Variants in CSNK1G3 observed in about 807,000 individuals in gnomAD.
CSNK1G3 encodes casein kinase 1 gamma 3, also known as casein kinase I isoform gamma-3.
A neutral mutation model predicts 64.3 loss-of-function variants in CSNK1G3; 23 were observed. That is an observed-to-expected ratio of 0.36 (90% CI 0.26 to 0.51). The LOEUF is 0.51. Ranked by LOEUF, CSNK1G3 falls within the 20% of genes least tolerant of loss-of-function variation. The pLI, the probability that CSNK1G3 is intolerant of heterozygous loss-of-function variation, is 0.96. For synonymous variants in CSNK1G3, 158 were observed against 162.2 expected (o/e 0.97, Z 0.20); for missense variants, 357 against 510.5 (o/e 0.70, Z 2.90).
intron 12 of CSNK1G3, among the ~76,000 whole-genome samples, chr5:123,610,129 C>T (rs1796062535): frequency 6.6e-6 from 1 of 152,122 alleles, no homozygotes; most frequent in Non-Finnish European, 1.5e-5. Flanking sequence ...GATGGGCCTG[C>T]AGGCTTTTGG....
At chr5:123,606,742 T>A (rs2151183656) in intron 12 of CSNK1G3, among the ~76,000 whole-genome samples, 1 of 152,304 alleles carries the variant, frequency 6.6e-6, no homozygotes, top group East Asian at 1.9e-4. Flanking sequence ...CTGGCTGTTC[T>A]GTGTTTACAT....
At chr5:123,609,950 A>C (rs1796030744) in intron 12 of CSNK1G3, among the ~76,000 whole-genome samples, 1 of 152,126 alleles carries the variant, frequency 6.6e-6, no homozygotes, top group Non-Finnish European at 1.5e-5. Context: ...CAGATTGGAG[A>C]GAGGAGAGAC....
chr5:123,530,312 ATATT>A (rs1779722633), intron 1 of CSNK1G3, among the ~76,000 whole-genome samples: 1 of 152,172 alleles, frequency 6.6e-6, no homozygotes, highest in South Asian at 2.1e-4. Flanking sequence ...ACTTCCAGTA[ATATT>A]TATACCTAGG....
At position 123,553,042 on chromosome 5, in the gene CSNK1G3, A is replaced by G; in HGVS notation, c.179-65A>G. On this transcript the variant is annotated intron_variant, in intron 2 of 12. Transcript: ENST00000345990. The stretch of plus-strand genomic sequence containing the variant: ...TATTATGTGCTTTTTTTCAGAGTAC[A>G]GTTTTATATAATGTATCTTTAAAAT... The G allele has an allele frequency of 3.5e-6, 3 of 866,656 alleles. No homozygotes were observed. In the South Asian group the frequency reaches 6.1e-5, roughly 18 times the overall value. 53.7% of individuals were successfully genotyped at this position (866,656 alleles called of 1,614,324 possible). A position where few individuals can be genotyped will look rare whatever the true frequency, so the allele number is the denominator to read the frequency against.
rs752592954 is a variant in CSNK1G3, at chr5:123,536,141, ATAAG to A, written c.-247-9273_-247-9270del. On this transcript the variant is annotated intron_variant, in intron 1 of 12. Coordinates refer to ENST00000345990, the Ensembl canonical transcript of CSNK1G3. The stretch of plus-strand genomic sequence containing the variant: ...AATCCACCTACACATATTTCTGTAC[ATAAG>A]TATTTATATGCATGCACAAGCATTA... 3.5e-4 allele frequency among the ~76,000 whole-genome samples: 53 copies of A among 152,160 alleles called. 1 individual carries two copies. Among genetic ancestry groups the A allele is most frequent in the Non-Finnish European group, 4.6e-4 (31 of 68,008 alleles).
intron 2 of CSNK1G3, among the ~76,000 whole-genome samples, chr5:123,547,502 C>A (rs183414336): frequency 1.2e-4 from 18 of 151,992 alleles, no homozygotes. Context: ...TTAACAAGGG[C>A]AATACGAGAA....
chr5:123,536,211 C>G (rs1488439605), intron 1 of CSNK1G3, among the ~76,000 whole-genome samples: 3 of 152,020 alleles, frequency 2.0e-5, no homozygotes, highest in Non-Finnish European at 2.9e-5. Context: ...AGTAATGATT[C>G]TCTCTGACAA....
chr5:123,605,270 T>C, intron 11 of CSNK1G3, 69 bp from the exon 13 acceptor site: 2 of 1,352,154 alleles, frequency 1.5e-6, no homozygotes, highest in Non-Finnish European at 2.1e-6. Context: ...ATAATTTCAA[T>C]GTGAGCTGTT....
intron 4 of CSNK1G3, among the ~76,000 whole-genome samples, chr5:123,571,220 A>G (rs1788034339): frequency 6.6e-6 from 1 of 152,114 alleles, no homozygotes; most frequent in Non-Finnish European, 1.5e-5. Context: ...GGCACCATGT[A>G]TGCAGTTTGA....
intron 10 of CSNK1G3, among the ~76,000 whole-genome samples, chr5:123,593,416 T>G (rs967682287): frequency 1.3e-5 from 2 of 152,036 alleles, no homozygotes; most frequent in African/African-American, 4.8e-5. Context: ...GAAGATAGAT[T>G]ATGTCACGTG....
chr5:123,516,264 T>G (rs1311465082), intron 1 of CSNK1G3, among the ~76,000 whole-genome samples: 1 of 152,198 alleles, frequency 6.6e-6, no homozygotes, highest in African/African-American at 2.4e-5. Context: ...TTTGCTGATC[T>G]GCAGGACAGA....
chr5:123,591,404 C>G (rs1581331523), exon 10 of CSNK1G3: 1 of 1,605,560 alleles, frequency 6.2e-7, no homozygotes, highest in Non-Finnish European at 8.5e-7. Flanking sequence ...ATGCAACAAT[C>G]CAAAAACCAG....
chr5:123,525,912 G>A (rs919442120), intron 1 of CSNK1G3, among the ~76,000 whole-genome samples: 11 of 151,410 alleles, frequency 7.3e-5, no homozygotes, highest in African/African-American at 2.2e-4. Context: ...GCAGGAGAAC[G>A]GCATGAACCT....
At chr5:123,588,478 A>G in exon 8 of CSNK1G3, 1 of 1,612,614 alleles carries the variant, frequency 6.2e-7, no homozygotes, top group Non-Finnish European at 8.5e-7. Flanking sequence ...AAAACGGGCT[A>G]CACCAATAGA....
intron 1 of CSNK1G3, among the ~76,000 whole-genome samples, chr5:123,521,486 A>G (rs1193007491): frequency 3.9e-5 from 6 of 152,200 alleles, no homozygotes; most frequent in African/African-American, 7.2e-5. Context: ...GTCGATAACT[A>G]GAATGCATAT....
At chr5:123,534,546 A>T (rs539938779) in intron 1 of CSNK1G3, among the ~76,000 whole-genome samples, 2 of 152,172 alleles carry the variant, frequency 1.3e-5, no homozygotes, top group South Asian at 4.1e-4. Flanking sequence ...GGAGAAGCCC[A>T]CATGGCAAAC....
intron 5 of CSNK1G3, among the ~76,000 whole-genome samples, chr5:123,574,103 C>G (rs973880446): frequency 6.6e-6 from 1 of 152,132 alleles, no homozygotes; most frequent in Non-Finnish European, 1.5e-5. Flanking sequence ...CCCGCCTTGG[C>G]CTTCCAAAGT....
chr5:123,534,109 G>T (rs139449978), intron 1 of CSNK1G3, among the ~76,000 whole-genome samples: 1 of 152,114 alleles, frequency 6.6e-6, no homozygotes, highest in Admixed American at 6.6e-5. Context: ...GTCAGGCAGT[G>T]TGCTAGGTTC....
intron 6 of CSNK1G3, among the ~76,000 whole-genome samples, chr5:123,581,778 G>T (rs1581257850): frequency 6.6e-6 from 1 of 150,882 alleles, no homozygotes; most frequent in African/African-American, 2.4e-5. Flanking sequence ...AGGTATTTTT[G>T]TTTTTTTTAG....
Sources: allele counts gnomAD v4.1 joint callset (sites outside exome capture counted in the v4.1 genomes callset), GRCh38; gene constraint gnomAD v4.1.1; transcripts MANE v1.5; gene names NCBI Gene and HGNC (gene_info 2026-07-23, HGNC 2026-07-21).